Variants in SLC41A2 observed in about 807,000 individuals in gnomAD.
SLC41A2 encodes the protein SLC41A1-like 1.
A neutral mutation model predicts 58.3 loss-of-function variants in SLC41A2; 32 were observed. That is an observed-to-expected ratio of 0.55 (90% CI 0.41 to 0.74). The LOEUF (loss-of-function observed/expected upper bound fraction) is 0.74, where lower values mean the gene tolerates loss of function less well. Ranked by LOEUF, SLC41A2 falls within the 30% of genes least tolerant of loss-of-function variation. The pLI, the probability that SLC41A2 is intolerant of heterozygous loss-of-function variation, is 0.00. For missense variants in SLC41A2, 514 were observed against 680.6 expected (o/e 0.76, Z 2.72); for synonymous variants, 190 against 235.0 (o/e 0.81, Z 1.75).
intron 2 of SLC41A2, among the ~76,000 whole-genome samples, chr12:104,925,286 C>A (rs527356196): frequency 6.6e-6 from 1 of 152,160 alleles, no homozygotes; most frequent in African/African-American, 2.4e-5. Context: ...CGGCCAGGCG[C>A]GGTGGCTCAC....
chr12:104,817,727 C>T (rs1020453532), intron 10 of SLC41A2, among the ~76,000 whole-genome samples: 6 of 151,456 alleles, frequency 4.0e-5, no homozygotes, highest in Admixed American at 1.3e-4. Flanking sequence ...TGCTAGACTT[C>T]TATATGATTG....
intron 8 of SLC41A2, among the ~76,000 whole-genome samples, chr12:104,854,598 A>T (rs116323583): frequency 0.019 from 2,830 of 151,786 alleles, 32 homozygotes; most frequent in African/African-American, 0.035. Context: ...GCCTTAGATC[A>T]GAAATTCCCA....
At chr12:104,853,234 G>A (rs796438989) in intron 8 of SLC41A2, among the ~76,000 whole-genome samples, 8 of 152,282 alleles carry the variant, frequency 5.3e-5, no homozygotes, top group African/African-American at 1.9e-4. Context: ...TAACGTCATG[G>A]AATATATTTC....
At chr12:104,942,338 C>T (rs964604608) in intron 1 of SLC41A2, among the ~76,000 whole-genome samples, 5 of 151,876 alleles carry the variant, frequency 3.3e-5, no homozygotes, top group African/African-American at 1.2e-4. Context: ...ATTAGCCAGG[C>T]ATGGTATCTC....
chr12:104,917,595 A>G (rs1422864772), intron 2 of SLC41A2, among the ~76,000 whole-genome samples: 1 of 151,478 alleles, frequency 6.6e-6, no homozygotes, highest in East Asian at 1.9e-4. Context: ...ACAATGATAG[A>G]CTGGATTAAG....
At chr12:104,872,649 G>A (rs567414095) in intron 6 of SLC41A2, among the ~76,000 whole-genome samples, 1 of 152,244 alleles carries the variant, frequency 6.6e-6, no homozygotes, top group African/African-American at 2.4e-5. Flanking sequence ...AGAACTGCTT[G>A]AGCCTGGGAG....
At chr12:104,949,226 T>C (rs1051809748) in intron 1 of SLC41A2, among the ~76,000 whole-genome samples, 3 of 151,916 alleles carry the variant, frequency 2.0e-5, no homozygotes, top group African/African-American at 4.8e-5. Context: ...CTCAAATAAA[T>C]AAATAAATAA....
chr12:104,821,568 A>G (rs917620541), intron 10 of SLC41A2, among the ~76,000 whole-genome samples: 1 of 152,258 alleles, frequency 6.6e-6, no homozygotes, highest in Non-Finnish European at 1.5e-5. Context: ...ACATATATGA[A>G]TGAATCTCAA....
At chr12:104,811,454 A>G (rs1229908140) in intron 10 of SLC41A2, among the ~76,000 whole-genome samples, 1 of 152,232 alleles carries the variant, frequency 6.6e-6, no homozygotes. Flanking sequence ...AGATATATAC[A>G]TTTGTAGCAA....
At chr12:104,841,381 C>T (rs1247129772) in intron 10 of SLC41A2, among the ~76,000 whole-genome samples, 1 of 151,270 alleles carries the variant, frequency 6.6e-6, no homozygotes, top group African/African-American at 2.4e-5. Flanking sequence ...AAAATTTTCT[C>T]CTCCTTCCAC....
intron 2 of SLC41A2, among the ~76,000 whole-genome samples, chr12:104,924,334 C>T (rs2046739448): frequency 6.6e-6 from 1 of 152,194 alleles, no homozygotes; most frequent in Non-Finnish European, 1.5e-5. Context: ...TAAATTGGTG[C>T]AACCAATGTG....
chr12:104,808,495 C>A (rs567851003), intron 10 of SLC41A2, among the ~76,000 whole-genome samples: 1 of 152,074 alleles, frequency 6.6e-6, no homozygotes, highest in African/African-American at 2.4e-5. Context: ...ATTTTTGCAT[C>A]GATGTTCATT....
At chr12:104,941,492 C>T (rs1246006978) in intron 1 of SLC41A2, among the ~76,000 whole-genome samples, 6 of 152,090 alleles carry the variant, frequency 3.9e-5, no homozygotes, top group East Asian at 1.9e-4. Context: ...CCTCAACTCT[C>T]GCCTCCCAAA....
At chr12:104,913,818 T>C (rs2046191954) in intron 2 of SLC41A2, among the ~76,000 whole-genome samples, 1 of 152,202 alleles carries the variant, frequency 6.6e-6, no homozygotes, top group African/African-American at 2.4e-5. Flanking sequence ...ACGCCTGTAA[T>C]CCCAGCACTC....
At chr12:104,881,824 A>G (rs1205502700) in intron 6 of SLC41A2, among the ~76,000 whole-genome samples, 1 of 152,200 alleles carries the variant, frequency 6.6e-6, no homozygotes, top group African/African-American at 2.4e-5. Flanking sequence ...GTAGATGTCT[A>G]TTAGGTCCAC....
chr12:104,948,910 TACTC>T (rs748811018), intron 1 of SLC41A2, among the ~76,000 whole-genome samples: 57 of 152,326 alleles, frequency 3.7e-4, no homozygotes, highest in Middle Eastern at 3.4e-3. Flanking sequence ...TATCTTCTGT[TACTC>T]AATCAATAAA....
intron 1 of SLC41A2, among the ~76,000 whole-genome samples, chr12:104,932,788 C>T (rs529886189): frequency 1.3e-5 from 2 of 151,940 alleles, no homozygotes; most frequent in African/African-American, 4.8e-5. Flanking sequence ...GGGAAAAGGA[C>T]ATTCTATTCA....
rs1470676511 is a variant in SLC41A2 at position 104,803,605 on chromosome 12, C to T, written c.*1547G>A. On this transcript the variant is annotated 3_prime_UTR_variant, in exon 11 of 11. Coordinates refer to ENST00000258538, the MANE Select transcript of SLC41A2 (RefSeq NM_001352171.3). The stretch of plus-strand genomic sequence containing the variant: ...ATGTGCATTTTGATACCCTTATCAG[C>T]TTAAATTATTAAATATCTAACGGTC... The T allele has an allele frequency of 6.6e-6, 1 of 152,078 alleles. No homozygotes were observed. Among genetic ancestry groups the T allele is most frequent in the Admixed American group, 6.6e-5 (1 of 15,266 alleles). The allele number at this position is 152,078 out of a possible 1,614,324, so 9.4% of individuals were successfully genotyped here. A position where few individuals can be genotyped will look rare whatever the true frequency, so the allele number is the denominator to read the frequency against.
At chr12:104,883,462 C>T (rs2044491280) in intron 6 of SLC41A2, among the ~76,000 whole-genome samples, 4 of 152,086 alleles carry the variant, frequency 2.6e-5, no homozygotes, top group Admixed American at 2.6e-4. Context: ...GTTTTATCTA[C>T]CTTTGGTCTT....
Sources: allele counts gnomAD v4.1 joint callset (sites outside exome capture counted in the v4.1 genomes callset), GRCh38; gene constraint gnomAD v4.1.1; transcripts MANE v1.5; gene names NCBI Gene and HGNC (gene_info 2026-07-23, HGNC 2026-07-21).